ARFGEF1: variants seen among roughly 807,000 people sequenced by gnomAD.
The protein encoded by ARFGEF1 is brefeldin A-inhibited guanine nucleotide-exchange protein 1.
A neutral mutation model predicts 231.0 loss-of-function variants in ARFGEF1; 42 were observed. The ratio of observed to expected loss-of-function variants is 0.18; its 90% CI spans 0.14 to 0.24. The LOEUF (loss-of-function observed/expected upper bound fraction) is 0.24. Among genes scored for constraint, ARFGEF1 ranks in the 10% least tolerant of loss-of-function variants. The pLI is 1.00. For synonymous variants in ARFGEF1, 710 were observed against 732.3 expected (o/e 0.97, Z 0.49); for missense variants, 1,345 against 2,192.0 (o/e 0.61, Z 7.72).
intron 1 of ARFGEF1, among the ~76,000 whole-genome samples, chr8:67,317,609 TA>T (rs113373370): frequency 0.033 from 4,259 of 127,500 alleles, 108 homozygotes; most frequent in African/African-American, 0.069. Flanking sequence ...AACTAATATT[TA>T]AAAAAAAAAA....
rs773562348 is a variant in ARFGEF1 at position 67,201,576 on chromosome 8, G to C, written c.5158C>G (p.Leu1720Val). Reference protein sequence around the residue: ...GFKGKSKPNLLKQETSSLACG... With the variant: ...GFKGKSKPNLVKQETSSLACG... The stretch of plus-strand genomic sequence containing the variant: ...GCCAGGCTGCTGGTCTCCTGCTTCA[G>C]AAGGTTGGGCTTGGATTTGCCTTTG... The change falls in exon 37 of 39, where the codon CTG (leucine) becomes GTG (valine). Residue 1720 changes from leucine to valine, a missense_variant. Physicochemically the swap from Leu to Val is conservative, Grantham distance 32. Coordinates refer to ENST00000262215, the MANE Select transcript of ARFGEF1 (RefSeq NM_006421.5). The C allele has an allele frequency of 6.2e-7, 1 of 1,613,642 alleles. No homozygotes were observed. The highest frequency in any genetic ancestry group is 1.1e-5 in the South Asian group (1 of 90,966).
chr8:67,180,856 CTT>C (rs533699063), intron 5 of ARFGEF1, among the ~76,000 whole-genome samples: 1 of 147,128 alleles, frequency 6.8e-6, no homozygotes, highest in African/African-American at 2.5e-5. Context: ...ATGGGATCTT[CTT>C]TTTTTTTTAA....
chr8:67,187,007 A>G (rs748160853), intron 5 of ARFGEF1, among the ~76,000 whole-genome samples: 1 of 150,726 alleles, frequency 6.6e-6, no homozygotes, highest in Non-Finnish European at 1.5e-5. Context: ...CTATCTATCT[A>G]TCTATCTAAT....
chr8:67,232,612 T>A lies in ARFGEF1; in HGVS notation c.3380+243A>T, dbSNP rs191398510. ...CTTTTCCATCGAGGTTACCATTTCC[T>A]TAATGCCCATTAGTATCTATTGTAA... is the stretch of plus-strand genomic sequence containing the variant. On this transcript the variant is annotated intron_variant, in intron 23 of 38. Transcript: ENST00000262215. Among the ~76,000 whole-genome samples, 271 of 152,146 alleles carry A rather than the reference T, an allele frequency of 1.8e-3. 1 individual carries two copies. The highest frequency in any genetic ancestry group is 5.9e-3 in the African/African-American group (246 of 41,568).
At chr8:67,209,979 G>A (rs950602277) in intron 34 of ARFGEF1, among the ~76,000 whole-genome samples, 4 of 151,766 alleles carry the variant, frequency 2.6e-5, no homozygotes, top group Admixed American at 6.6e-5. Flanking sequence ...GGTGAAACCC[G>A]GTCTCTACTA....
intron 1 of ARFGEF1, among the ~76,000 whole-genome samples, chr8:67,313,671 A>G (rs1160518078): frequency 6.6e-6 from 1 of 152,174 alleles, no homozygotes; most frequent in African/African-American, 2.4e-5. Context: ...GAGGTGGCGG[A>G]GGGTGCAATG....
At chr8:67,222,107 A>C (rs1408779322) in intron 29 of ARFGEF1, among the ~76,000 whole-genome samples, 1 of 147,930 alleles carries the variant, frequency 6.8e-6, no homozygotes, top group Admixed American at 6.7e-5. Context: ...GCCACCATGC[A>C]TGCCCAGCCT....
At chr8:67,267,852 G>A (rs1209840414) in intron 10 of ARFGEF1, among the ~76,000 whole-genome samples, 1 of 152,098 alleles carries the variant, frequency 6.6e-6, no homozygotes, top group East Asian at 1.9e-4. Context: ...AGGCCTAACT[G>A]TTCGTAGATT....
intron 34 of ARFGEF1, among the ~76,000 whole-genome samples, chr8:67,206,457 A>C (rs2129577522): frequency 6.6e-6 from 1 of 151,762 alleles, no homozygotes; most frequent in East Asian, 1.9e-4. Context: ...ACATTACTTC[A>C]AAAGTAACCA....
chr8:67,233,923 C>CTTAG (rs1284720508), intron 22 of ARFGEF1, among the ~76,000 whole-genome samples: 1 of 152,088 alleles, frequency 6.6e-6, no homozygotes, highest in Non-Finnish European at 1.5e-5. Flanking sequence ...TAAGCATTTA[C>CTTAG]TTAGCTAAGT....
Position 67,228,268 on chromosome 8 carries a change from G to C in ARFGEF1, c.3381-4C>G, listed in dbSNP as rs776266416. 2 of 1,605,664 alleles carry C rather than the reference G, an allele frequency of 1.2e-6. No individual in the cohort carries two copies. Among genetic ancestry groups the C allele is most frequent in the Non-Finnish European group, 1.7e-6 (2 of 1,175,298 alleles). On this transcript the variant is annotated splice_region_variant and splice_polypyrimidine_tract_variant and intron_variant, in intron 23 of 38. Coordinates refer to ENST00000262215, the MANE Select transcript of ARFGEF1 (RefSeq NM_006421.5). ...CCTTGTAGATCCTGTGAATATTCTA[G>C]GGAAAATAAAACACAATTTAAAAAA...
chr8:67,296,655 T>C (rs1371278529), intron 4 of ARFGEF1, 45 bp from the exon 5 acceptor site: 36 of 716,888 alleles, frequency 5.0e-5, no homozygotes, highest in Non-Finnish European at 6.6e-5. Flanking sequence ...TTTCTTTTTC[T>C]TTTTTTTTTT....
downstream of ARFGEF1, chr8:67,193,532 T>A (rs1319124419): frequency 6.2e-7 from 1 of 1,612,902 alleles, no homozygotes; most frequent in Non-Finnish European, 8.5e-7. Context: ...TAAATGTTGA[T>A]GAGCTTAGAG....
At chr8:67,200,354 T>C in intron 38 of ARFGEF1, 42 bp downstream of exon 38, 1 of 1,408,942 alleles carries the variant, frequency 7.1e-7, no homozygotes, top group Non-Finnish European at 1.0e-6. Flanking sequence ...CAATGCGAAT[T>C]GGGCTAGAAA....
chr8:67,208,296 A>G (rs1378732498), intron 34 of ARFGEF1, among the ~76,000 whole-genome samples: 1 of 152,224 alleles, frequency 6.6e-6, no homozygotes, highest in Non-Finnish European at 1.5e-5. Context: ...AAAAAATTAA[A>G]TCAAAATGGA....
In ARFGEF1 at chr8:67,267,124, C is replaced by T. The variant is rs61753694; in HGVS notation, c.1779G>A (p.Arg593=). The T allele has an allele frequency of 6.2e-7, 1 of 1,613,134 alleles. No individual in the cohort carries two copies. The highest frequency in any genetic ancestry group is 8.5e-7 in the Non-Finnish European group (1 of 1,179,684). ...VNDLSKIAQG[R]GSQELGMSNV... Reference sequence around the variant, plus strand: ...TACTCATACCAAGTTCTTGACTGCCCCTTCCTTGAGCAATTTTTGATAGAT... The same window carrying T: ...TACTCATACCAAGTTCTTGACTGCCTCTTCCTTGAGCAATTTTTGATAGAT... The change falls in exon 12 of 39, where the codon AGG becomes AGA. Residue 593 remains arginine, a synonymous_variant. Transcript: ENST00000262215.
chr8:67,259,518 G>C (rs1840572411), intron 15 of ARFGEF1, among the ~76,000 whole-genome samples: 1 of 152,194 alleles, frequency 6.6e-6, no homozygotes, highest in Non-Finnish European at 1.5e-5. Context: ...GTGAGCCACT[G>C]TGCCCGGCCA....
intron 36 of ARFGEF1, 158 bp from the exon 37 acceptor site, chr8:67,201,763 T>C: frequency 1.1e-6 from 1 of 942,800 alleles, no homozygotes; most frequent in Non-Finnish European, 1.6e-6. Context: ...GATTTCCATG[T>C]CCAGAATTCC....
At position 67,197,944 on chromosome 8, in the gene ARFGEF1, A is replaced by C. The variant is rs746048775; in HGVS notation, c.*990T>G. On this transcript the variant is annotated 3_prime_UTR_variant, in exon 39 of 39. Coordinates refer to ENST00000262215, the MANE Select transcript of ARFGEF1 (RefSeq NM_006421.5). The stretch of plus-strand genomic sequence containing the variant: ...CAAACCATGCCAGATTTGTTATTTT[A>C]ATATATTCAACGTTAAATTCTGTAC... 4.1e-6 allele frequency: 4 copies of C among 985,874 alleles called. No homozygotes were observed. Among genetic ancestry groups the C allele is most frequent in the Non-Finnish European group, 4.8e-6 (4 of 829,922 alleles). The allele number at this position is 985,874 out of a possible 1,614,324, so 61.1% of individuals were successfully genotyped here. A position where few individuals can be genotyped will look rare whatever the true frequency, so the allele number is the denominator to read the frequency against.
Sources: allele counts gnomAD v4.1 joint callset (sites outside exome capture counted in the v4.1 genomes callset), GRCh38; gene constraint gnomAD v4.1.1; transcripts MANE v1.5; gene names NCBI Gene and HGNC (gene_info 2026-07-23, HGNC 2026-07-21).